Variants in YAP1 observed in about 807,000 individuals in gnomAD.
The protein encoded by YAP1 is transcriptional coactivator YAP1.
YAP1 carries 5 observed loss-of-function variants against 56.9 expected under a neutral mutation model. That is an observed-to-expected ratio of 0.09 (90% confidence interval 0.05 to 0.18). YAP1 has a LOEUF of 0.18. Among genes scored for constraint, YAP1 ranks in the 10% least tolerant of loss-of-function variants. The probability of loss-of-function intolerance (pLI) is 1.00; values close to 1 mark genes in which losing one functional copy is unlikely to be tolerated. For missense variants in YAP1, 539 were observed against 651.8 expected (o/e 0.83, Z 1.88); for synonymous variants, 265 against 248.1 (o/e 1.07, Z -0.64).
chr11:102,196,184 C>A (rs1948563289), intron 4 of YAP1, among the ~76,000 whole-genome samples: 1 of 152,056 alleles, frequency 6.6e-6, no homozygotes, highest in Admixed American at 6.6e-5. Flanking sequence ...AATTCCATTC[C>A]TCGGTATAGA....
chr11:102,210,482 A>G (rs1264929675), intron 6 of YAP1, among the ~76,000 whole-genome samples: 5 of 152,248 alleles, frequency 3.3e-5, no homozygotes, highest in South Asian at 4.1e-4. Context: ...TACAGTCTTC[A>G]TAGAAACCAG....
At chr11:102,193,321 T>C (rs1948395057) in intron 4 of YAP1, among the ~76,000 whole-genome samples, 2 of 152,042 alleles carry the variant, frequency 1.3e-5, no homozygotes, top group Non-Finnish European at 1.5e-5. Context: ...CTCTGCAGTT[T>C]TTAAAATTTT....
chr11:102,175,537 G>A (rs370611094), intron 3 of YAP1, among the ~76,000 whole-genome samples: 1 of 152,190 alleles, frequency 6.6e-6, no homozygotes, highest in East Asian at 1.9e-4. Flanking sequence ...ATTGCTTAAT[G>A]ACTGGGATAA....
intron 7 of YAP1, chr11:102,226,874 C>CT (rs1487044598): frequency 6.6e-6 from 1 of 152,266 alleles, no homozygotes; most frequent in Non-Finnish European, 1.5e-5. Context: ...GTATTCTTAT[C>CT]TTATTGGCAG....
chr11:102,111,579 A>T (rs1418225727), intron 1 of YAP1, among the ~76,000 whole-genome samples: 1 of 135,300 alleles, frequency 7.4e-6, no homozygotes. Context: ...CGCGCTCCGC[A>T]CCTTCGCTCC....
intron 2 of YAP1, among the ~76,000 whole-genome samples, chr11:102,136,237 C>T (rs1292245066): frequency 1.3e-5 from 2 of 152,162 alleles, no homozygotes; most frequent in Non-Finnish European, 2.9e-5. Context: ...TTCTAAAGCA[C>T]TTGCTCAAAT....
intron 3 of YAP1, among the ~76,000 whole-genome samples, chr11:102,172,380 C>T (rs1591311704): frequency 1.5e-5 from 2 of 136,932 alleles, no homozygotes; most frequent in African/African-American, 2.7e-5. Context: ...GGCACGATCA[C>T]AGCTCATTGC....
rs1295887036 is a variant in YAP1, at chr11:102,110,702, C to G, written c.-147C>G. The G allele has an allele frequency of 4.7e-6, 3 of 635,194 alleles. No homozygotes were observed. Among genetic ancestry groups the G allele is most frequent in the Non-Finnish European group, 2.1e-6 (1 of 469,520 alleles). 39.3% of individuals were successfully genotyped at this position (635,194 alleles called of 1,614,324 possible). A position where few individuals can be genotyped will look rare whatever the true frequency, so the allele number is the denominator to read the frequency against. On this transcript the variant is annotated 5_prime_UTR_variant, in exon 1 of 9. Transcript: ENST00000282441. ...CGGGGCGGGGGATGCGGGGCCGCGG[C>G]GCAGCCCCCCGGCCCTGAGAGCGAG... is the stretch of plus-strand genomic sequence containing the variant.
intron 2 of YAP1, among the ~76,000 whole-genome samples, chr11:102,144,810 C>A (rs947174989): frequency 6.6e-6 from 1 of 151,800 alleles, no homozygotes; most frequent in Non-Finnish European, 1.5e-5. Context: ...AAAAACGTGT[C>A]GATGTAGTTA....
chr11:102,111,238 C>G (rs1942881541), intron 1 of YAP1, 69 bp downstream of exon 1: 1 of 1,578,336 alleles, frequency 6.3e-7, no homozygotes, highest in Non-Finnish European at 8.6e-7. Flanking sequence ...GCTCGGGAGC[C>G]GCGGCCGCCA....
At chr11:102,171,291 TAGG>T (rs900529525) in intron 3 of YAP1, among the ~76,000 whole-genome samples, 1 of 152,196 alleles carries the variant, frequency 6.6e-6, no homozygotes, top group African/African-American at 2.4e-5. Context: ...TTATGACTCA[TAGG>T]AGGAATATTT....
At chr11:102,154,340 G>A (rs1282936595) in intron 2 of YAP1, among the ~76,000 whole-genome samples, 1 of 152,074 alleles carries the variant, frequency 6.6e-6, no homozygotes, top group African/African-American at 2.4e-5. Context: ...AAATCCAGAG[G>A]AGACAGAAGG....
chr11:102,187,546 A>G (rs1948040504), intron 4 of YAP1, among the ~76,000 whole-genome samples: 1 of 152,200 alleles, frequency 6.6e-6, no homozygotes, highest in South Asian at 2.1e-4. Context: ...TAATGAAATG[A>G]ATGAATTCAG....
intron 6 of YAP1, among the ~76,000 whole-genome samples, chr11:102,222,916 T>A (rs1950005318): frequency 6.6e-6 from 1 of 151,784 alleles, no homozygotes; most frequent in Non-Finnish European, 1.5e-5. Context: ...CACAAAACCA[T>A]ATAAGAGTTG....
chr11:102,223,557 C>T, intron 6 of YAP1, 65 bp from the exon 7 acceptor site: 1 of 1,553,966 alleles, frequency 6.4e-7, no homozygotes. Context: ...CGTTTTATTT[C>T]TTTAAACCTA....
intron 4 of YAP1, among the ~76,000 whole-genome samples, chr11:102,197,922 C>T (rs984599016): frequency 7.9e-5 from 12 of 152,086 alleles, no homozygotes; most frequent in African/African-American, 2.9e-4. Context: ...TGTGGGTGCA[C>T]CGCTCTGTGC....
intron 6 of YAP1, among the ~76,000 whole-genome samples, chr11:102,217,711 A>T (rs1490504135): frequency 6.6e-6 from 1 of 151,520 alleles, no homozygotes; most frequent in Non-Finnish European, 1.5e-5. Flanking sequence ...TTTTTTTGAG[A>T]TGGAGGTTCG....
At chr11:102,144,842 T>C (rs4754832) in intron 2 of YAP1, among the ~76,000 whole-genome samples, 12,164 of 147,766 alleles carry the variant, frequency 0.082, 778 homozygotes, top group African/African-American at 0.16. Context: ...TCATTTATCC[T>C]ACCTTTGGCC....
intron 2 of YAP1, among the ~76,000 whole-genome samples, chr11:102,125,805 CT>C (rs1944005765): frequency 6.6e-6 from 1 of 151,974 alleles, no homozygotes; most frequent in South Asian, 2.1e-4. Context: ...TATACTGTTT[CT>C]TTTTATATTT....
Sources: gnomAD v4.1 joint callset for allele counts (sites outside exome capture counted in the v4.1 genomes callset) on GRCh38, gnomAD v4.1.1 for gene constraint, MANE v1.5 for transcripts, NCBI Gene and HGNC (gene_info 2026-07-23, HGNC 2026-07-21) for gene names.